Variants in DMXL2 observed in about 807,000 individuals in gnomAD.
DMXL2 encodes the protein Dmx like 2.
In DMXL2, 103 loss-of-function variants were observed where a neutral mutation model predicts 331.1. The ratio of observed to expected loss-of-function variants is 0.31; its 90% CI spans 0.27 to 0.37. The LOEUF (loss-of-function observed/expected upper bound fraction) is 0.37. DMXL2 is among the 10% of genes least tolerant of loss of function. The pLI is 1.00. For missense variants in DMXL2, 3,171 were observed against 3,642.9 expected, an observed-to-expected ratio of 0.87 and a Z score of 3.33; for synonymous variants, 1,281 against 1,252.1, an observed-to-expected ratio of 1.02 and a Z score of -0.49.
At chr15:51,476,481 A>G (rs968073761) in intron 27 of DMXL2, 108 bp downstream of exon 27, 10 of 1,280,250 alleles carry the variant, frequency 7.8e-6, no homozygotes, top group Non-Finnish European at 1.1e-5. Flanking sequence ...CAAAGAAAGA[A>G]AGGAACCACT....
chr15:51,497,538 CAT>C (rs772244329), intron 18 of DMXL2, among the ~76,000 whole-genome samples: 20 of 152,136 alleles, frequency 1.3e-4, no homozygotes, highest in African/African-American at 4.1e-4. Context: ...GTGCCTGAAA[CAT>C]AGCAATTTTT....
At chr15:51,478,891 A>C (rs74368941) in intron 25 of DMXL2, among the ~76,000 whole-genome samples, 2 of 150,818 alleles carry the variant, frequency 1.3e-5, no homozygotes, top group East Asian at 1.9e-4. Flanking sequence ...AGAATTTTAC[A>C]TTTAGAAAGT....
intron 1 of DMXL2, among the ~76,000 whole-genome samples, chr15:51,591,408 C>T (rs534783481): frequency 1.3e-5 from 2 of 152,286 alleles, no homozygotes; most frequent in South Asian, 4.1e-4. Flanking sequence ...ATTGCCCAGC[C>T]TTGAGTAGGT....
Position 51,499,104 on chromosome 15 carries a change from A to G in DMXL2, c.4120T>C (p.Cys1374Arg), listed in dbSNP as rs1222228173. Residue 1374 changes from cysteine to arginine, a missense_variant, in exon 18 of 44, where the codon TGT becomes CGT. By Grantham distance (180) the Cys-to-Arg change is radical (BLOSUM62 -3). Coordinates refer to ENST00000560891, the MANE Select transcript of DMXL2 (RefSeq NM_001378457.1). ...AKAILSHLVK[C>R]IAGEVAIVRD... Reference sequence around the variant, plus strand: ...ACTATTGCTACTTCACCTGCAATACATTTTACTAAATGAGAGAGAATGGCT... The same window carrying G: ...ACTATTGCTACTTCACCTGCAATACGTTTTACTAAATGAGAGAGAATGGCT... 1 of 1,614,046 alleles carries G rather than the reference A, an allele frequency of 6.2e-7. No homozygotes were observed. Among genetic ancestry groups the G allele is most frequent in the Non-Finnish European group, 8.5e-7 (1 of 1,180,026 alleles).
rs1242020236 is a variant in DMXL2, at chr15:51,519,397, C to A, written c.2437-2230G>T. The stretch of plus-strand genomic sequence containing the variant: ...CCTCCCAAAGCACTGGGATTACAGG[C>A]ATAAACCACCACACCTGGCTGTAGT... On this transcript the variant is annotated intron_variant, in intron 13 of 43. Transcript: ENST00000560891. 3.3e-5 allele frequency among the ~76,000 whole-genome samples: 5 copies of A among 152,062 alleles called. No homozygotes were observed. In the East Asian group the frequency reaches 9.6e-4, roughly 29 times the overall value.
intron 1 of DMXL2, among the ~76,000 whole-genome samples, chr15:51,580,642 A>C (rs2051345153): frequency 6.6e-6 from 1 of 152,192 alleles, no homozygotes; most frequent in Admixed American, 6.5e-5. Flanking sequence ...AGGCCCAAGA[A>C]AAGAGGAAGA....
rs758474353 is a variant in DMXL2 at position 51,481,528 on chromosome 15, C to T, written c.5578G>A (p.Gly1860Arg). 6.2e-7 allele frequency: 1 copy of T among 1,612,800 alleles called. No homozygotes were observed. Among genetic ancestry groups the T allele is most frequent in the Non-Finnish European group, 8.5e-7 (1 of 1,179,640 alleles). ...LIRRNLASPE[G>R]TLATLGLKTE... ...TTGAGACCTAAGGTTGCCAAAGTTC[C>T]TTCAGGGGAGGCAAGATTTCTTCGA... Residue 1860 changes from glycine (G) to arginine (R), a missense_variant, in exon 24 of 44, where the codon GGA (glycine) becomes AGA (arginine). This residue lies in a region of DMXL2 where 244 missense variants were observed against 251.4 expected (regional missense o/e 0.97). Coordinates refer to ENST00000560891, the MANE Select transcript of DMXL2 (RefSeq NM_001378457.1).
At chr15:51,525,443 A>T (rs1419059350) in intron 13 of DMXL2, among the ~76,000 whole-genome samples, 1 of 152,188 alleles carries the variant, frequency 6.6e-6, no homozygotes, top group Non-Finnish European at 1.5e-5. Flanking sequence ...TTTATCTTGC[A>T]TCTTAGGTAC....
chr15:51,572,524 C>T (rs1297392763), intron 2 of DMXL2, among the ~76,000 whole-genome samples: 1 of 152,078 alleles, frequency 6.6e-6, no homozygotes, highest in African/African-American at 2.4e-5. Flanking sequence ...AACATCAATG[C>T]AAAAATCCTC....
chr15:51,467,846 C>T (rs2040733122), intron 29 of DMXL2, among the ~76,000 whole-genome samples: 1 of 151,990 alleles, frequency 6.6e-6, no homozygotes, highest in African/African-American at 2.4e-5. Context: ...CCTGCCTCAG[C>T]CTCCCGAGTA....
intron 40 of DMXL2, among the ~76,000 whole-genome samples, chr15:51,454,656 C>G (rs2039458978): frequency 6.6e-6 from 1 of 152,080 alleles, no homozygotes; most frequent in Non-Finnish European, 1.5e-5. Flanking sequence ...GTCACCATGC[C>G]TGGCTAATTT....
At chr15:51,593,285 C>T (rs1386193401) in intron 1 of DMXL2, among the ~76,000 whole-genome samples, 3 of 152,112 alleles carry the variant, frequency 2.0e-5, no homozygotes, top group Non-Finnish European at 4.4e-5. Context: ...ATAAAACAGA[C>T]TTTAAACCAA....
intron 32 of DMXL2, 137 bp from the exon 33 acceptor site, chr15:51,463,633 G>A (rs1595902632): frequency 3.6e-6 from 2 of 554,438 alleles, no homozygotes; most frequent in Non-Finnish European, 6.2e-6. Flanking sequence ...CTATTGCAAA[G>A]AAGACACAGC....
chr15:51,462,580 G>A (rs1211929409), intron 33 of DMXL2, among the ~76,000 whole-genome samples: 1 of 152,022 alleles, frequency 6.6e-6, no homozygotes, highest in Non-Finnish European at 1.5e-5. Context: ...CAGGTGATCT[G>A]CCCGCCTCGG....
chr15:51,494,986 T>C (rs763507446), intron 19 of DMXL2, 38 bp downstream of exon 19: 43 of 1,484,222 alleles, frequency 2.9e-5, no homozygotes, highest in Non-Finnish European at 3.8e-5. Context: ...CAATATTAAG[T>C]AAAAGTTGTG....
At chr15:51,452,953 T>TA (rs1399238668) in intron 41 of DMXL2, among the ~76,000 whole-genome samples, 6 of 152,342 alleles carry the variant, frequency 3.9e-5, no homozygotes, top group Non-Finnish European at 8.8e-5. Context: ...CAGATGGAGT[T>TA]AGAGGCCATT....
chr15:51,561,515 G>T (rs2049970401), intron 6 of DMXL2, among the ~76,000 whole-genome samples: 1 of 129,216 alleles, frequency 7.7e-6, no homozygotes, highest in South Asian at 2.5e-4. Context: ...CAGGCCCTTG[G>T]GCTCCCAGGC....
chr15:51,486,483 G>C, intron 22 of DMXL2, 146 bp from the exon 23 acceptor site: 1 of 630,360 alleles, frequency 1.6e-6, no homozygotes, highest in South Asian at 2.6e-5. Flanking sequence ...TGATTGATAG[G>C]AGATTAAAGA....
chr15:51,576,985 A>G (rs1439002172), intron 1 of DMXL2, among the ~76,000 whole-genome samples: 1 of 152,166 alleles, frequency 6.6e-6, no homozygotes, highest in East Asian at 1.9e-4. Flanking sequence ...ATTTCTTCCT[A>G]TTGCAACACT....
Sources: allele counts gnomAD v4.1 joint callset (sites outside exome capture counted in the v4.1 genomes callset), GRCh38; gene constraint gnomAD v4.1.1; regional missense constraint gnomAD v4.1.1; transcripts MANE v1.5; gene names NCBI Gene and HGNC (gene_info 2026-07-23, HGNC 2026-07-21).